Variants in LIG1 observed in about 807,000 individuals in gnomAD.
LIG1 encodes the protein ligase I, DNA, ATP-dependent.
In LIG1, 70 loss-of-function variants were observed where a neutral mutation model predicts 115.7. The ratio of observed to expected loss-of-function variants is 0.60; its 90% CI spans 0.50 to 0.74. The LOEUF (loss-of-function observed/expected upper bound fraction) is 0.74, where lower values mean the gene tolerates loss of function less well. LIG1 is among the 30% of genes least tolerant of loss of function. LIG1 has a pLI of 0.00. For missense variants in LIG1, 1,115 were observed against 1,225.6 expected, an observed-to-expected ratio of 0.91 and a Z score of 1.35; for synonymous variants, 487 against 495.3, an observed-to-expected ratio of 0.98 and a Z score of 0.22.
chr19:48,141,341 A>G (rs2034737316), intron 11 of LIG1, among the ~76,000 whole-genome samples: 1 of 152,150 alleles, frequency 6.6e-6, no homozygotes, highest in Admixed American at 6.5e-5. Flanking sequence ...CGTGTTGGTC[A>G]GGCTGGTCTC....
Position 48,140,157 on chromosome 19 carries a change from CGGGG to C in LIG1, c.915-18_915-15del, listed in dbSNP as rs776431829. On this transcript the variant is annotated splice_polypyrimidine_tract_variant and intron_variant, in intron 11 of 27. Transcript: ENST00000263274. ...ACCATCCGGAGCCTGGAGGAGGGGA[CGGGG>C]GTATGAACACGTGGTTCCTCAAGGT... The C allele has an allele frequency of 3.5e-6, 5 of 1,409,860 alleles. No homozygotes were observed. The African/African-American group carries it at 7.3e-5, about 21-fold the overall frequency. 87.3% of individuals were successfully genotyped at this position (1,409,860 alleles called of 1,614,324 possible).
intron 16 of LIG1, among the ~76,000 whole-genome samples, chr19:48,135,161 T>C (rs1263813658): frequency 1.3e-5 from 2 of 152,172 alleles, no homozygotes; most frequent in East Asian, 1.9e-4. Flanking sequence ...TTCTTTTTTT[T>C]AAGACAGTCT....
At position 48,138,000 on chromosome 19, in the gene LIG1, G is replaced by A. The variant is rs1403286354; in HGVS notation, c.1088-312C>T. 1.3e-5 allele frequency: 6 copies of A among 471,824 alleles called. No homozygotes were observed. The highest frequency in any genetic ancestry group is 6.7e-5 in the Admixed American group (2 of 29,860). The allele number at this position is 471,824 out of a possible 1,614,324, so 29.2% of individuals were successfully genotyped here. A position where few individuals can be genotyped will look rare whatever the true frequency, so the allele number is the denominator to read the frequency against. The stretch of plus-strand genomic sequence containing the variant: ...GCGGATGGGATTTAAAGCCACAGGC[G>A]GGACAAGGTCACTAGGGAAGTGAGT... On this transcript the variant is annotated intron_variant, in intron 12 of 27. Coordinates refer to ENST00000263274, the MANE Select transcript of LIG1 (RefSeq NM_000234.3). The surrounding 1 kb of genome is among the most constrained non-coding windows in gnomAD (Gnocchi z 4.3).
At chr19:48,140,601 G>T (rs920967229) in intron 11 of LIG1, among the ~76,000 whole-genome samples, 4 of 152,128 alleles carry the variant, frequency 2.6e-5, no homozygotes, top group Non-Finnish European at 4.4e-5. Context: ...GGGTCACGCA[G>T]CCTCTGGCTT....
chr19:48,160,215 A>G (rs907993489), intron 4 of LIG1, among the ~76,000 whole-genome samples: 1 of 152,240 alleles, frequency 6.6e-6, no homozygotes, highest in Non-Finnish European at 1.5e-5. Context: ...GTTTGTGGTC[A>G]ATTGTTATGG....
intron 19 of LIG1, 49 bp from the exon 20 acceptor site, chr19:48,128,069 G>A: frequency 5.6e-6 from 8 of 1,441,196 alleles, no homozygotes; most frequent in Admixed American, 1.7e-5. Context: ...TGGAAGATGA[G>A]GTGGAAAGAC....
At chr19:48,149,935 G>A (rs2035360475) in intron 8 of LIG1, 94 bp from the exon 9 acceptor site, 3 of 1,540,008 alleles carry the variant, frequency 1.9e-6, no homozygotes, top group East Asian at 2.3e-5. Flanking sequence ...CAGTGCTCAG[G>A]GAGATGGGAG....
chr19:48,135,844 G>T, intron 15 of LIG1, 65 bp from the exon 16 acceptor site: 1 of 1,441,320 alleles, frequency 6.9e-7, no homozygotes, highest in Non-Finnish European at 9.8e-7. Context: ...AGGGTGCAGT[G>T]GGTGGTTTGC....
intron 7 of LIG1, 66 bp from the exon 8 acceptor site, chr19:48,150,276 T>C: frequency 6.2e-7 from 1 of 1,608,446 alleles, no homozygotes; most frequent in African/African-American, 1.3e-5. Context: ...TTTCTTTTTT[T>C]TTACCCCCAA....
At chr19:48,156,938 CAAAAAAAAAA>C (rs370802542) in intron 5 of LIG1, 66 bp downstream of exon 5, 208 of 611,004 alleles carry the variant, frequency 3.4e-4, no homozygotes, top group Middle Eastern at 6.2e-4. Context: ...GACTATGTCT[CAAAAAAAAAA>C]AAAAAAAAAA....
At chr19:48,123,473 T>C in intron 21 of LIG1, 155 bp from the exon 22 acceptor site, 1 of 832,046 alleles carries the variant, frequency 1.2e-6, no homozygotes, top group Non-Finnish European at 1.9e-6. Flanking sequence ...GTCAGAAGGA[T>C]TCTGAGAGCT....
At chr19:48,131,271 G>A (rs1249671247) in intron 18 of LIG1, 100 bp from the exon 19 acceptor site, 2 of 839,988 alleles carry the variant, frequency 2.4e-6, no homozygotes, top group African/African-American at 1.7e-5. Flanking sequence ...GGTTCTGGAA[G>A]CTCTGGAGGA....
chr19:48,143,901 C>T lies in LIG1; in HGVS notation c.839G>A (p.Cys280Tyr), dbSNP rs756939218. Residue 280 changes from cysteine (C) to tyrosine (Y), a missense_variant, in exon 10 of 28, where the codon TGC becomes TAC. Physicochemically the swap from Cys to Tyr is radical, Grantham distance 194 (BLOSUM62 -2). Transcript: ENST00000263274. Reference protein sequence around the residue: ...KNNYHPVEDACWKPGQKVPYL... With the variant: ...KNNYHPVEDAYWKPGQKVPYL... ...ACCTCACTTCTGGCCCGGTTTCCAG[C>T]AGGCATCTTCCACGGGATGATAGTT... 3 of 1,614,000 alleles carry T rather than the reference C, an allele frequency of 1.9e-6. No homozygotes were observed. Among genetic ancestry groups the T allele is most frequent in the Non-Finnish European group, 2.5e-6 (3 of 1,179,894 alleles).
Position 48,117,680 on chromosome 19 carries a change from A to C in LIG1, c.2541T>G (p.Ala847=), listed in dbSNP as rs559575903. The C allele has an allele frequency of 1.9e-6, 3 of 1,612,664 alleles. No individual in the cohort carries two copies. The Admixed American group carries it at 5.0e-5, about 27-fold the overall frequency. The change falls in exon 26 of 28, where the codon GCT becomes GCG. Residue 847 remains alanine (A), a synonymous_variant. Coordinates refer to ENST00000263274, the MANE Select transcript of LIG1 (RefSeq NM_000234.3). ...GGTAGATGGGAGAGAGGGAGAGGTC[A>C]GCGCACTTCACCTCCCACACAGCGC... is the stretch of plus-strand genomic sequence containing the variant. The part of the protein sequence containing the change: ...DPSAVWEVKC[A]DLSLSPIYPA...
At chr19:48,142,324 T>C (rs2034814879) in intron 11 of LIG1, among the ~76,000 whole-genome samples, 1 of 151,478 alleles carries the variant, frequency 6.6e-6, no homozygotes, top group Non-Finnish European at 1.5e-5. Flanking sequence ...GTGCCTGTAG[T>C]CCCAGCTACT....
chr19:48,119,337 G>A (rs2033101319), intron 24 of LIG1, 147 bp from the exon 25 acceptor site: 1 of 717,412 alleles, frequency 1.4e-6, no homozygotes, highest in South Asian at 1.5e-5. Context: ...AGGGAGCTGG[G>A]GGTGCGGAGC....
intron 19 of LIG1, among the ~76,000 whole-genome samples, chr19:48,130,013 C>T (rs2033913721): frequency 6.6e-6 from 1 of 152,234 alleles, no homozygotes; most frequent in African/African-American, 2.4e-5. Flanking sequence ...GCCTCAGCCT[C>T]CCAAAGTGCT....
intron 6 of LIG1, among the ~76,000 whole-genome samples, chr19:48,152,611 G>A (rs909720891): frequency 1.3e-5 from 2 of 152,274 alleles, no homozygotes; most frequent in African/African-American, 4.8e-5. Context: ...GGAACTCACT[G>A]GGCGCTGCAA....
intron 5 of LIG1, chr19:48,154,253 T>A (rs1485935409): frequency 5.0e-6 from 2 of 402,134 alleles, no homozygotes; most frequent in Non-Finnish European, 9.5e-6. Context: ...CTTGGCACAG[T>A]ACCGATTCCA....
Sources: allele counts gnomAD v4.1 joint callset (sites outside exome capture counted in the v4.1 genomes callset), GRCh38; gene constraint gnomAD v4.1.1; non-coding constraint Gnocchi (gnomAD v3.1); transcripts MANE v1.5; gene names NCBI Gene and HGNC (gene_info 2026-07-23, HGNC 2026-07-21).